The following VPS13C variants were observed in gnomAD, a reference collection of about 807,000 sequenced individuals.
VPS13C encodes the protein intermembrane lipid transfer protein VPS13C.
In VPS13C, 358 loss-of-function variants were observed where a neutral mutation model predicts 456.8. The observed-to-expected ratio is 0.78, with a 90% CI of 0.72 to 0.86. VPS13C has a LOEUF of 0.86. Ranked by LOEUF, VPS13C falls within the 40% of genes least tolerant of loss-of-function variation. VPS13C has a pLI of 0.00. For missense variants in VPS13C, 4,818 were observed against 4,385.4 expected, an observed-to-expected ratio of 1.10 and a Z score of -2.79; for synonymous variants, 1,578 against 1,486.7, an observed-to-expected ratio of 1.06 and a Z score of -1.41.
Position 61,875,775 on chromosome 15 carries a change from C to A in VPS13C, c.10295G>T (p.Gly3432Val). ...TAAAGCTTCAACTCCTTCAGACAGA[C>A]CTCTAATTAATCCAAATGGGTTTCC... ...VLGNPFGLIRGLSEGVEALFY... is the reference protein window; with the variant it reads ...VLGNPFGLIRVLSEGVEALFY... Residue 3432 changes from glycine to valine, a missense_variant, in exon 76 of 85, where the codon GGT becomes GTT. This residue lies in a region of VPS13C where 4,552 missense variants were observed against 4,130.6 expected (regional missense o/e 1.10). Transcript: ENST00000644861. 6.2e-7 allele frequency: 1 copy of A among 1,610,044 alleles called. No individual in the cohort carries two copies. Among genetic ancestry groups the A allele is most frequent in the Non-Finnish European group, 8.5e-7 (1 of 1,178,406 alleles).
At chr15:62,021,528 T>G (rs540967280) in intron 8 of VPS13C, among the ~76,000 whole-genome samples, 2 of 152,044 alleles carry the variant, frequency 1.3e-5, no homozygotes, top group Non-Finnish European at 2.9e-5. Context: ...TATCACCATT[T>G]TAGACATCTT....
At chr15:62,024,381 G>C (rs1199622615) in intron 6 of VPS13C, among the ~76,000 whole-genome samples, 3 of 152,010 alleles carry the variant, frequency 2.0e-5, no homozygotes, top group Admixed American at 1.3e-4. Context: ...ATGTACATTG[G>C]ACTGTACACT....
chr15:61,872,877 C>G (rs1261435499), intron 78 of VPS13C, among the ~76,000 whole-genome samples: 1 of 152,024 alleles, frequency 6.6e-6, no homozygotes, highest in Non-Finnish European at 1.5e-5. Flanking sequence ...AAAGGCAGTT[C>G]CTGGATTATC....
intron 12 of VPS13C, among the ~76,000 whole-genome samples, chr15:62,010,930 G>A (rs2047016579): frequency 6.6e-6 from 1 of 152,060 alleles, no homozygotes; most frequent in Non-Finnish European, 1.5e-5. Context: ...GACATTTAAT[G>A]ATTGTATTAT....
intron 62 of VPS13C, among the ~76,000 whole-genome samples, chr15:61,912,815 C>G (rs1202216704): frequency 7.9e-6 from 1 of 126,468 alleles, no homozygotes; most frequent in African/African-American, 2.9e-5. Context: ...AAAACAGTCC[C>G]CAGAGTGTGA....
At chr15:61,914,266 C>CA (rs1316254813) in intron 61 of VPS13C, among the ~76,000 whole-genome samples, 1 of 152,092 alleles carries the variant, frequency 6.6e-6, no homozygotes, top group African/African-American at 2.4e-5. Flanking sequence ...ACCCAGCCAT[C>CA]AGTGTTTAAA....
intron 24 of VPS13C, among the ~76,000 whole-genome samples, chr15:61,975,968 C>A (rs1334766123): frequency 6.6e-6 from 1 of 151,966 alleles, no homozygotes; most frequent in Non-Finnish European, 1.5e-5. Flanking sequence ...GCAGATAGGA[C>A]CCAAGTCTAA....
chr15:62,016,882 C>T (rs1232870377), intron 9 of VPS13C, among the ~76,000 whole-genome samples: 1 of 152,104 alleles, frequency 6.6e-6, no homozygotes, highest in Non-Finnish European at 1.5e-5. Context: ...GTTTACAGTC[C>T]CACCAACAGT....
rs781496577 is a variant in VPS13C, at chr15:61,973,491, T to G, written c.2580A>C (p.Leu860=). The change falls in exon 26 of 85, where the codon CTA becomes CTC. Residue 860 remains leucine, a synonymous_variant. Transcript: ENST00000644861. The part of the protein sequence containing the change: ...IPIISGGTKG[L]LGTSLLLDTV... ...TGTCTAGCAATAGTGAAGTACCAAG[T>G]AGACCTTTTGTACCACCTGAAATAA... The G allele has an allele frequency of 3.1e-6, 5 of 1,612,652 alleles. No homozygotes were observed. The highest frequency in any genetic ancestry group is 4.2e-6 in the Non-Finnish European group (5 of 1,179,064).
At chr15:61,966,183 C>G (rs201152407) in intron 29 of VPS13C, 41 bp from the exon 30 acceptor site, 1 of 1,421,888 alleles carries the variant, frequency 7.0e-7, no homozygotes, top group East Asian at 2.4e-5. Context: ...GTACTAGGAT[C>G]GAAGTAAATA....
At chr15:61,946,175 T>C in intron 44 of VPS13C, 132 bp downstream of exon 44, 1 of 749,654 alleles carries the variant, frequency 1.3e-6, no homozygotes, top group East Asian at 2.9e-5. Flanking sequence ...ACTATTACCG[T>C]TTTCATCTCC....
intron 66 of VPS13C, among the ~76,000 whole-genome samples, chr15:61,903,744 CAA>C (rs1215448565): frequency 6.6e-6 from 1 of 151,962 alleles, no homozygotes; most frequent in East Asian, 1.9e-4. Context: ...CAAAACATAC[CAA>C]AGTTATAGTA....
At chr15:62,041,099 T>G (rs2048226569) in intron 3 of VPS13C, among the ~76,000 whole-genome samples, 1 of 152,150 alleles carries the variant, frequency 6.6e-6, no homozygotes, top group Non-Finnish European at 1.5e-5. Context: ...AGAATGCAAT[T>G]GCAGTTCAAA....
chr15:61,947,715 A>G (rs907594521), intron 42 of VPS13C, among the ~76,000 whole-genome samples: 3 of 152,138 alleles, frequency 2.0e-5, no homozygotes, highest in Non-Finnish European at 4.4e-5. Flanking sequence ...ATAAACTGCA[A>G]TGGTGATGCC....
rs1281605331 is a variant in VPS13C, at chr15:61,927,133, A to G, written c.6474T>C (p.Ala2158=). ...CTCTCTTTTCTCTGAGAAAAGGGCA[A>G]GCGAGCACTTTCAGATCTCTCACAG... is the stretch of plus-strand genomic sequence containing the variant. The part of the protein sequence containing the change: ...EASVRDLKVL[A]CPFLREKRGK... The change falls in exon 52 of 85, where the codon GCT becomes GCC. Residue 2158 remains alanine (A), a synonymous_variant. Coordinates refer to ENST00000644861, the MANE Select transcript of VPS13C (RefSeq NM_020821.3). 6.2e-7 allele frequency: 1 copy of G among 1,614,194 alleles called. No homozygotes were observed. Among genetic ancestry groups the G allele is most frequent in the South Asian group, 1.1e-5 (1 of 91,084 alleles).
intron 24 of VPS13C, 109 bp downstream of exon 24, chr15:61,976,972 AT>A: frequency 1.4e-6 from 1 of 707,476 alleles, no homozygotes; most frequent in Non-Finnish European, 2.4e-6. Flanking sequence ...TGGAATAATC[AT>A]TTTTGCTGTC....
intron 27 of VPS13C, among the ~76,000 whole-genome samples, chr15:61,971,648 T>C (rs900022751): frequency 1.3e-5 from 2 of 152,134 alleles, no homozygotes; most frequent in Non-Finnish European, 2.9e-5. Context: ...TATTGCAAAA[T>C]AATCCAGGGA....
Position 61,909,144 on chromosome 15 carries a change from A to T in VPS13C, c.8845-19T>A, listed in dbSNP as rs369073163. On this transcript the variant is annotated intron_variant, in intron 64 of 84. Coordinates refer to ENST00000644861, the MANE Select transcript of VPS13C (RefSeq NM_020821.3). ...CCCCATTCTATTGTAGAAAAAAAAA[A>T]AGTATGTTTGATGTACTGGTTTAAT... is the stretch of plus-strand genomic sequence containing the variant. The T allele has an allele frequency of 1.1e-5, 17 of 1,611,844 alleles. No homozygotes were observed. Among genetic ancestry groups the T allele is most frequent in the Non-Finnish European group, 1.4e-5 (17 of 1,179,268 alleles).
chr15:61,864,265 T>C, intron 81 of VPS13C: 2 of 797,466 alleles, frequency 2.5e-6, no homozygotes, highest in Non-Finnish European at 3.0e-6. Flanking sequence ...CACAATTTAT[T>C]TCTAAAAACA....
Sources: allele counts gnomAD v4.1 joint callset (sites outside exome capture counted in the v4.1 genomes callset), GRCh38; gene constraint gnomAD v4.1.1; regional missense constraint gnomAD v4.1.1; transcripts MANE v1.5; gene names NCBI Gene and HGNC (gene_info 2026-07-23, HGNC 2026-07-21).